Variants in DLGAP2 observed in about 807,000 individuals in gnomAD.
The protein encoded by DLGAP2 is disks large-associated protein 2.
Under a neutral mutation model 100.3 loss-of-function variants are expected in DLGAP2, and 26 were observed. The ratio of observed to expected loss-of-function variants is 0.26; its 90% CI spans 0.19 to 0.36. The LOEUF (loss-of-function observed/expected upper bound fraction) is 0.36, where lower values mean the gene tolerates loss of function less well. DLGAP2 is among the 10% of genes least tolerant of loss of function. The pLI is 1.00. For synonymous variants in DLGAP2, 886 were observed against 630.1 expected (o/e 1.41, Z -6.08); for missense variants, 1,858 against 1,453.2 (o/e 1.28, Z -4.53).
intron 2 of DLGAP2, among the ~76,000 whole-genome samples, chr8:1,010,853 C>T (rs193219598): frequency 2.6e-5 from 4 of 152,242 alleles, no homozygotes; most frequent in African/African-American, 9.6e-5. Context: ...TCCTCTGGGT[C>T]CAGCCACAGG....
At chr8:1,522,196 C>T (rs540543746) in intron 4 of DLGAP2, among the ~76,000 whole-genome samples, 5 of 152,332 alleles carry the variant, frequency 3.3e-5, no homozygotes, top group African/African-American at 1.2e-4. Context: ...TCGGTGGGGT[C>T]CACTCAGACC....
At chr8:1,522,630 C>T (rs867359216) in intron 4 of DLGAP2, among the ~76,000 whole-genome samples, 31 of 152,290 alleles carry the variant, frequency 2.0e-4, no homozygotes, top group Middle Eastern at 6.8e-3. Context: ...TTTAAGGGGA[C>T]GCCTGTAAAG....
In DLGAP2 at chr8:784,232, G is replaced by A. The variant is rs552859051; in HGVS notation, c.18+46407G>A. On this transcript the variant is annotated intron_variant, in intron 1 of 14. Transcript: ENST00000637795. ...ATCAAAATTTATAATTATATTTTAG[G>A]GTCACCTATAAAACTAACAATAGTT... is the stretch of plus-strand genomic sequence containing the variant. 5.9e-5 allele frequency among the ~76,000 whole-genome samples: 9 copies of A among 152,166 alleles called. No homozygotes were observed. The South Asian group carries it at 1.5e-3, about 25-fold the overall frequency.
At chr8:934,373 A>C (rs1385571205) in intron 2 of DLGAP2, among the ~76,000 whole-genome samples, 1 of 151,972 alleles carries the variant, frequency 6.6e-6, no homozygotes, top group Non-Finnish European at 1.5e-5. Flanking sequence ...GTGAGGGCAG[A>C]GACTGCTGTG....
chr8:747,182 G>T (rs1028917823), intron 1 of DLGAP2, among the ~76,000 whole-genome samples: 2 of 152,082 alleles, frequency 1.3e-5, no homozygotes, highest in Non-Finnish European at 2.9e-5. Context: ...GCACTGCCCC[G>T]CCTCTGACTG....
chr8:1,031,160 A>G (rs1563154394), intron 2 of DLGAP2, among the ~76,000 whole-genome samples: 1 of 151,992 alleles, frequency 6.6e-6, no homozygotes, highest in Non-Finnish European at 1.5e-5. Flanking sequence ...TTGTGTCATG[A>G]TGCCGCCTGT....
intron 2 of DLGAP2, among the ~76,000 whole-genome samples, chr8:1,237,641 G>A (rs1218360830): frequency 7.2e-6 from 1 of 138,670 alleles, no homozygotes; most frequent in African/African-American, 2.8e-5. Context: ...GCCGTGTCTA[G>A]TTCTCTCTCA....
At chr8:846,690 A>T (rs917330472) in intron 1 of DLGAP2, among the ~76,000 whole-genome samples, 1 of 151,924 alleles carries the variant, frequency 6.6e-6, no homozygotes, top group East Asian at 1.9e-4. Context: ...TGTATTTTTA[A>T]TTTTTTTTAG....
At chr8:1,102,818 G>A (rs946518114) in intron 2 of DLGAP2, among the ~76,000 whole-genome samples, 3 of 152,060 alleles carry the variant, frequency 2.0e-5, no homozygotes, top group Non-Finnish European at 4.4e-5. Flanking sequence ...GAGGTGACGG[G>A]GCAGAAAATG....
At chr8:806,064 G>A (rs753325612) in intron 1 of DLGAP2, among the ~76,000 whole-genome samples, 2 of 152,170 alleles carry the variant, frequency 1.3e-5, no homozygotes, top group Non-Finnish European at 2.9e-5. Flanking sequence ...TGCCAAGATT[G>A]TTTGGAAACC....
At chr8:857,130 T>C (rs1797293942) in intron 1 of DLGAP2, among the ~76,000 whole-genome samples, 1 of 152,230 alleles carries the variant, frequency 6.6e-6, no homozygotes, top group South Asian at 2.1e-4. Flanking sequence ...GAGGATGCTC[T>C]TATCAACAGA....
intron 1 of DLGAP2, among the ~76,000 whole-genome samples, chr8:787,100 G>T (rs534844393): frequency 6.6e-6 from 1 of 152,092 alleles, no homozygotes; most frequent in Admixed American, 6.5e-5. Flanking sequence ...GTAAACTGAC[G>T]ATGCTTTATT....
intron 4 of DLGAP2, among the ~76,000 whole-genome samples, chr8:1,529,438 T>G (rs746134086): frequency 6.6e-6 from 1 of 152,204 alleles, no homozygotes; most frequent in Admixed American, 6.5e-5. Flanking sequence ...ATTATCTCAG[T>G]GGTGGCCAAC....
chr8:1,116,811 G>GA (rs1020252673), intron 2 of DLGAP2, among the ~76,000 whole-genome samples: 91 of 149,766 alleles, frequency 6.1e-4, no homozygotes, highest in South Asian at 6.3e-4. Flanking sequence ...AAAAAAAAGA[G>GA]AAAAAAAAAG....
At chr8:1,683,897 TATACAC>T (rs1275214937) in intron 12 of DLGAP2, among the ~76,000 whole-genome samples, 4 of 111,954 alleles carry the variant, frequency 3.6e-5, no homozygotes, top group Non-Finnish European at 5.4e-5. Context: ...TGTGTGTGTG[TATACAC>T]ATATATGTGT....
At chr8:1,601,316 C>T (rs1284996614) in intron 6 of DLGAP2, among the ~76,000 whole-genome samples, 6 of 152,212 alleles carry the variant, frequency 3.9e-5, no homozygotes, top group African/African-American at 1.4e-4. Context: ...TTGATCCCTG[C>T]TGGGAGATGT....
intron 3 of DLGAP2, among the ~76,000 whole-genome samples, chr8:1,368,124 T>C (rs1802150005): frequency 6.6e-6 from 1 of 152,214 alleles, no homozygotes; most frequent in African/African-American, 2.4e-5. Context: ...TATGTAGGCA[T>C]GTGCGTGTAT....
intron 12 of DLGAP2, among the ~76,000 whole-genome samples, chr8:1,683,508 C>T (rs1439187573): frequency 1.3e-5 from 2 of 151,214 alleles, no homozygotes; most frequent in Non-Finnish European, 3.0e-5. Flanking sequence ...CCTAAAGCTC[C>T]GCACCTCTGC....
chr8:1,076,829 C>A (rs1803628836), intron 2 of DLGAP2, among the ~76,000 whole-genome samples: 2 of 140,094 alleles, frequency 1.4e-5, no homozygotes, highest in Non-Finnish European at 3.1e-5. Flanking sequence ...GGCCCCCCCC[C>A]AAGACCAAGA....
Sources: allele counts gnomAD v4.1 joint callset (sites outside exome capture counted in the v4.1 genomes callset), GRCh38; gene constraint gnomAD v4.1.1; transcripts MANE v1.5; gene names NCBI Gene and HGNC (gene_info 2026-07-23, HGNC 2026-07-21).